GRIP2: variants seen among roughly 807,000 people sequenced by gnomAD.
The protein encoded by GRIP2 is glutamate receptor interacting protein 2.
In GRIP2, 58 loss-of-function variants were observed where a neutral mutation model predicts 108.3. The observed-to-expected ratio is 0.54, with a 90% confidence interval of 0.43 to 0.67. The LOEUF is 0.67. Ranked by LOEUF, GRIP2 falls within the 30% of genes least tolerant of loss-of-function variation. The probability of loss-of-function intolerance (pLI) is 0.00; values close to 1 mark genes in which losing one functional copy is unlikely to be tolerated. For missense variants in GRIP2, 1,278 were observed against 1,430.6 expected, an observed-to-expected ratio of 0.89 and a Z score of 1.72; for synonymous variants, 586 against 598.2, an observed-to-expected ratio of 0.98 and a Z score of 0.30.
intron 21 of GRIP2, among the ~76,000 whole-genome samples, chr3:14,501,599 A>C (rs1693765968): frequency 6.6e-6 from 1 of 152,254 alleles, no homozygotes; most frequent in Non-Finnish European, 1.5e-5. Context: ...AAAGCAGTCT[A>C]CAAAACAGTA....
intron 1 of GRIP2, among the ~76,000 whole-genome samples, chr3:14,528,672 A>G (rs1193425288): frequency 6.6e-6 from 1 of 150,380 alleles, no homozygotes; most frequent in Non-Finnish European, 1.5e-5. Flanking sequence ...CCTGGGCAAC[A>G]CAGCAAAACC....
the GRIP2 span, chr3:14,574,285 G>A: frequency 2.1e-6 from 2 of 962,014 alleles, no homozygotes; most frequent in African/African-American, 3.2e-5. Context: ...TTGTTGAGCC[G>A]TCCCACCATG....
intron 1 of GRIP2, among the ~76,000 whole-genome samples, chr3:14,551,951 A>G (rs1695156541): frequency 6.6e-6 from 1 of 152,256 alleles, no homozygotes; most frequent in Non-Finnish European, 1.5e-5. Flanking sequence ...CCTGGCACAC[A>G]GCAAGTGCTC....
At chr3:14,569,736 G>C in the GRIP2 span, among the ~76,000 whole-genome samples, 1 of 152,026 alleles carries the variant, frequency 6.6e-6, no homozygotes, top group East Asian at 1.9e-4. Context: ...CAGCCTCTGC[G>C]CTACACCCTT....
the GRIP2 span, among the ~76,000 whole-genome samples, chr3:14,592,130 T>G: frequency 6.6e-6 from 1 of 152,216 alleles, no homozygotes. Context: ...CAGCTCCACA[T>G]AGAGGGGCAT....
intron 4 of GRIP2, chr3:14,524,108 C>T (rs960240996): frequency 3.4e-5 from 18 of 531,712 alleles, no homozygotes; most frequent in Middle Eastern, 5.0e-4. Context: ...GGTCAGGGAA[C>T]GACTTATTCA....
chr3:14,550,328 C>A (rs923075919), intron 1 of GRIP2, among the ~76,000 whole-genome samples: 1 of 152,204 alleles, frequency 6.6e-6, no homozygotes, highest in Non-Finnish European at 1.5e-5. Context: ...AAGACTGCTG[C>A]CCCCAGGAAG....
chr3:14,580,348 A>G, the GRIP2 span, among the ~76,000 whole-genome samples: 1 of 152,326 alleles, frequency 6.6e-6, no homozygotes, highest in South Asian at 2.1e-4. Flanking sequence ...AAATTGCCTC[A>G]TGGTGTTAGA....
chr3:14,506,796 A>AT lies in GRIP2; in HGVS notation c.2398+4dup, dbSNP rs1693941097. Reference sequence around the variant, plus strand: ...GCCACTTGTCCAAGGGCCCCAAGGTATTACCTGGGCCCCCAAAGCCACCCT... The same window carrying AT: ...GCCACTTGTCCAAGGGCCCCAAGGTATTTACCTGGGCCCCCAAAGCCACCCT... On this transcript the variant is annotated splice_donor_region_variant and intron_variant, in intron 19 of 23. Coordinates refer to ENST00000621039, the MANE Select transcript of GRIP2 (RefSeq NM_001080423.4). 1 of 1,586,912 alleles carries AT rather than the reference A, an allele frequency of 6.3e-7. No homozygotes were observed. Among genetic ancestry groups the AT allele is most frequent in the African/African-American group, 1.3e-5 (1 of 74,190 alleles).
chr3:14,494,450 T>C (rs555525217), intron 23 of GRIP2, among the ~76,000 whole-genome samples: 274 of 152,348 alleles, frequency 1.8e-3, no homozygotes, highest in Non-Finnish European at 2.7e-3. Flanking sequence ...ATGAGGGGTT[T>C]GGTCCATCGG....
At chr3:14,504,046 C>T (rs963978309) in intron 20 of GRIP2, 22 of 260,042 alleles carry the variant, frequency 8.5e-5, no homozygotes, top group Non-Finnish European at 1.3e-4. Context: ...CACCCAGACA[C>T]ACGGCACCGT....
chr3:14,596,129 C>T, the GRIP2 span, among the ~76,000 whole-genome samples: 15 of 152,376 alleles, frequency 9.8e-5, no homozygotes, highest in South Asian at 3.1e-3. Context: ...GAAACCACCA[C>T]TTACAGGGTG....
Position 14,524,454 on chromosome 3 carries a change from G to A in GRIP2, c.342C>T (p.Thr114=). 1.9e-6 allele frequency: 3 copies of A among 1,602,420 alleles called. No homozygotes were observed. Among genetic ancestry groups the A allele is most frequent in the Non-Finnish European group, 2.6e-6 (3 of 1,174,834 alleles). The part of the protein sequence containing the change: ...LTRLRHDEII[T]LLKNVGERVV... ...CGCGCTCGCCCACATTCTTGAGCAG[G>A]GTGATGATCTCATCGTGGCGGAGCC... The change falls in exon 4 of 24, where the codon ACC becomes ACT. Residue 114 remains threonine, a synonymous_variant. Transcript: ENST00000621039.
the GRIP2 span, among the ~76,000 whole-genome samples, chr3:14,576,669 A>G: frequency 6.6e-6 from 1 of 152,210 alleles, no homozygotes; most frequent in African/African-American, 2.4e-5. Context: ...GTCGGGCAAC[A>G]CCGGCCAGTC....
chr3:14,535,386 T>C (rs1694811213), intron 1 of GRIP2, among the ~76,000 whole-genome samples: 1 of 152,178 alleles, frequency 6.6e-6, no homozygotes, highest in African/African-American at 2.4e-5. Flanking sequence ...CATGGGTTGC[T>C]GGGAGGAACT....
At chr3:14,502,786 A>G (rs186673070) in intron 21 of GRIP2, among the ~76,000 whole-genome samples, 8 of 152,338 alleles carry the variant, frequency 5.3e-5, no homozygotes, top group Admixed American at 4.6e-4. Context: ...GGAAGAGACT[A>G]TCAAAGCTAA....
At chr3:14,524,883 C>T (rs1694511931) in intron 3 of GRIP2, among the ~76,000 whole-genome samples, 1 of 152,252 alleles carries the variant, frequency 6.6e-6, no homozygotes, top group Non-Finnish European at 1.5e-5. Context: ...TGCTGTTCAA[C>T]TGGACATTTA....
chr3:14,520,542 C>T lies in GRIP2; in HGVS notation c.713-5G>A. ...CCGAAGCATTAGCCACCGTGTCTGG[C>T]ATGACGGAGAAAAAAAGTTTGAAAT... On this transcript the variant is annotated splice_region_variant and splice_polypyrimidine_tract_variant and intron_variant, in intron 7 of 23. Coordinates refer to ENST00000621039, the MANE Select transcript of GRIP2 (RefSeq NM_001080423.4). 6.2e-7 allele frequency: 1 copy of T among 1,613,556 alleles called. No homozygotes were observed. The highest frequency in any genetic ancestry group is 1.1e-5 in the South Asian group (1 of 91,078).
At chr3:14,496,962 T>A (rs1693625289) in intron 21 of GRIP2, among the ~76,000 whole-genome samples, 1 of 38,660 alleles carries the variant, frequency 2.6e-5, no homozygotes, top group African/African-American at 1.3e-4. Flanking sequence ...GTCAAGACTC[T>A]TTTTTTTTTT....
Sources: gnomAD v4.1 joint callset for allele counts (sites outside exome capture counted in the v4.1 genomes callset) on GRCh38, gnomAD v4.1.1 for gene constraint, MANE v1.5 for transcripts, NCBI Gene and HGNC (gene_info 2026-07-23, HGNC 2026-07-21) for gene names.